The following SETD2 variants were observed in gnomAD, a reference collection of about 807,000 sequenced individuals.
The protein encoded by SETD2 is SET domain containing 2, histone lysine methyltransferase, also known as histone-lysine N-methyltransferase SETD2.
Under a neutral mutation model 242.1 loss-of-function variants are expected in SETD2, and 31 were observed. The observed-to-expected ratio is 0.13, with a 90% confidence interval of 0.10 to 0.17. The LOEUF is 0.17. Ranked by LOEUF, SETD2 falls within the 10% of genes least tolerant of loss-of-function variation. The probability of loss-of-function intolerance (pLI) is 1.00; values close to 1 mark genes in which losing one functional copy is unlikely to be tolerated. For missense variants in SETD2, 2,481 were observed against 3,046.3 expected (o/e 0.81, Z 4.37); for synonymous variants, 1,006 against 1,066.5 (o/e 0.94, Z 1.11).
At chr3:47,085,690 T>C (rs2041522571) in intron 11 of SETD2, among the ~76,000 whole-genome samples, 1 of 152,226 alleles carries the variant, frequency 6.6e-6, no homozygotes, top group Non-Finnish European at 1.5e-5. Flanking sequence ...GAAAATTTTA[T>C]TAATTTCATA....
At chr3:47,112,663 C>T (rs922612280) in intron 5 of SETD2, among the ~76,000 whole-genome samples, 1 of 152,136 alleles carries the variant, frequency 6.6e-6, no homozygotes, top group Non-Finnish European at 1.5e-5. Context: ...GATCTCGGCT[C>T]ACTGCAACCT....
At chr3:47,102,217 T>C (rs1212940966) in intron 7 of SETD2, among the ~76,000 whole-genome samples, 1 of 152,222 alleles carries the variant, frequency 6.6e-6, no homozygotes, top group Non-Finnish European at 1.5e-5. Context: ...ATGAAAACTC[T>C]GGACTTGCAG....
At position 47,098,038 on chromosome 3, in the gene SETD2, C is replaced by G. The variant is rs2107674599; in HGVS notation, c.5059G>C (p.Gly1687Arg). ...KCFCGSANCR[G>R]YLGGENRVSI... ...ACTCTGTTTTCTCCTCCCAGGTAAC[C>G]CCGGCAATTGGCTGATCCGCAGAAA... The change falls in exon 9 of 21, where the codon GGT (glycine) becomes CGT (arginine). Residue 1687 changes from glycine to arginine, a missense_variant. Around this residue, in one of 17 missense-constraint regions of SETD2, gnomAD observed 61 missense variants for 221.4 expected, o/e 0.28. Coordinates refer to ENST00000409792, the MANE Select transcript of SETD2 (RefSeq NM_014159.7). 1 of 1,614,050 alleles carries G rather than the reference C, an allele frequency of 6.2e-7. No homozygotes were observed. The highest frequency in any genetic ancestry group is 8.5e-7 in the Non-Finnish European group (1 of 1,179,962).
intron 2 of SETD2, among the ~76,000 whole-genome samples, chr3:47,125,997 C>T (rs566055275): frequency 1.3e-5 from 2 of 152,290 alleles, no homozygotes; most frequent in Admixed American, 1.3e-4. Context: ...AAAGTAAATA[C>T]TTTCACATAT....
chr3:47,051,838 C>A (rs2039856990), intron 15 of SETD2, among the ~76,000 whole-genome samples: 2 of 151,966 alleles, frequency 1.3e-5, no homozygotes, highest in South Asian at 2.1e-4. Flanking sequence ...GACAAAATTT[C>A]TTTGGCCATC....
At chr3:47,155,724 T>A (rs529295666) in intron 1 of SETD2, among the ~76,000 whole-genome samples, 1 of 152,164 alleles carries the variant, frequency 6.6e-6, no homozygotes, top group Non-Finnish European at 1.5e-5. Context: ...GAGGATCGCT[T>A]GAGCCTCAGA....
Position 47,017,319 on chromosome 3 carries a change from G to C in SETD2, c.7534-65C>G. The C allele has an allele frequency of 2.6e-5, 40 of 1,552,594 alleles. No homozygotes were observed. The highest frequency in any genetic ancestry group is 4.5e-5 in the East Asian group (2 of 44,398). On this transcript the variant is annotated intron_variant, in intron 20 of 20. Coordinates refer to ENST00000409792, the MANE Select transcript of SETD2 (RefSeq NM_014159.7). The surrounding 1 kb of genome is among the most constrained non-coding windows in gnomAD (Gnocchi z 4.8). The stretch of plus-strand genomic sequence containing the variant: ...AGAGCAGAAATTATATGAGGGGGAG[G>C]ACAGGGGTGGTAATCCAGCCTGCTG...
intron 1 of SETD2, among the ~76,000 whole-genome samples, chr3:47,130,023 C>G (rs2043441227): frequency 1.3e-5 from 2 of 152,136 alleles, no homozygotes; most frequent in South Asian, 4.1e-4. Flanking sequence ...CTGTAATCCT[C>G]AATGTTGCTG....
chr3:47,030,132 G>C (rs1170058116), intron 18 of SETD2, among the ~76,000 whole-genome samples: 1 of 151,920 alleles, frequency 6.6e-6, no homozygotes, highest in Non-Finnish European at 1.5e-5. Context: ...CTGGGCAACA[G>C]AGTGAGACCC....
At chr3:47,129,389 A>T (rs2043425583) in intron 1 of SETD2, among the ~76,000 whole-genome samples, 1 of 152,216 alleles carries the variant, frequency 6.6e-6, no homozygotes, top group African/African-American at 2.4e-5. Flanking sequence ...TAACACTTTG[A>T]TCTACAGAGC....
Position 47,043,291 on chromosome 3 carries a change from T to C in SETD2, c.7099-591A>G, listed in dbSNP as rs868116843. ...CCTGTAAAGAGCTAATTAAGATTAA[T>C]GAAGTCAAAAGAGTGAGGACTTTTT... On this transcript the variant is annotated intron_variant, in intron 16 of 20. Transcript: ENST00000409792. Among the ~76,000 whole-genome samples the C allele has an allele frequency of 2.0e-5, 3 of 152,314 alleles. No individual in the cohort carries two copies. The Middle Eastern group carries it at 0.01, about 518-fold the overall frequency.
chr3:47,063,136 T>A (rs2040410976), intron 13 of SETD2, among the ~76,000 whole-genome samples: 2 of 152,204 alleles, frequency 1.3e-5, no homozygotes, highest in Admixed American at 1.3e-4. Context: ...GTTTCATATC[T>A]TATGAATACT....
At chr3:47,141,245 C>A (rs1206677349) in intron 1 of SETD2, among the ~76,000 whole-genome samples, 1 of 151,948 alleles carries the variant, frequency 6.6e-6, no homozygotes. Context: ...TGGGCTCAAG[C>A]GATCTGCCTG....
At chr3:47,026,031 G>T (rs1276443602) in intron 18 of SETD2, among the ~76,000 whole-genome samples, 3 of 151,860 alleles carry the variant, frequency 2.0e-5, no homozygotes, top group Middle Eastern at 3.2e-3. Flanking sequence ...CTACAGAATG[G>T]GAGAAAATTT....
At chr3:47,060,090 C>A (rs1312869769) in intron 14 of SETD2, among the ~76,000 whole-genome samples, 4 of 152,066 alleles carry the variant, frequency 2.6e-5, no homozygotes, top group African/African-American at 9.7e-5. Context: ...TCCGTCTCTA[C>A]AAAAAAACCA....
chr3:47,128,588 G>A (rs936043337), intron 1 of SETD2, among the ~76,000 whole-genome samples: 1 of 152,096 alleles, frequency 6.6e-6, no homozygotes, highest in Non-Finnish European at 1.5e-5. Context: ...AGTAATGACA[G>A]GGGGAGAGGG....
intron 12 of SETD2, among the ~76,000 whole-genome samples, chr3:47,079,958 A>G (rs971218834): frequency 6.6e-6 from 1 of 152,230 alleles, no homozygotes; most frequent in Non-Finnish European, 1.5e-5. Flanking sequence ...GATAAGTAAT[A>G]TTAATCCTTA....
chr3:47,019,709 G>A (rs1285509415), intron 19 of SETD2, 51 bp downstream of exon 19: 2 of 1,442,950 alleles, frequency 1.4e-6, no homozygotes, highest in Non-Finnish European at 2.0e-6. Flanking sequence ...GAAATGAAAG[G>A]GTTCAGATTT....
At chr3:47,070,096 T>C (rs552272092) in intron 12 of SETD2, among the ~76,000 whole-genome samples, 4 of 152,284 alleles carry the variant, frequency 2.6e-5, no homozygotes, top group South Asian at 4.1e-4. Flanking sequence ...ATTATAAGCA[T>C]TTATTACAAA....
Sources: gnomAD v4.1 joint callset for allele counts (sites outside exome capture counted in the v4.1 genomes callset) on GRCh38, gnomAD v4.1.1 for gene constraint, gnomAD v4.1.1 regional missense constraint, Gnocchi (gnomAD v3.1) non-coding constraint, MANE v1.5 for transcripts, NCBI Gene and HGNC (gene_info 2026-07-23, HGNC 2026-07-21) for gene names.